The following GFRAL variants were observed in gnomAD, a reference collection of about 807,000 sequenced individuals.
GFRAL encodes the protein GDNF family receptor alpha-like.
A neutral mutation model predicts 45.4 loss-of-function variants in GFRAL; 36 were observed. That is an observed-to-expected ratio of 0.79 (90% CI 0.61 to 1.05). GFRAL has a LOEUF of 1.05. Ranked by LOEUF, GFRAL falls within the 50% of genes least tolerant of loss-of-function variation. The pLI is 0.00. For missense variants in GFRAL, 507 were observed against 467.5 expected (o/e 1.08, Z -0.78); for synonymous variants, 166 against 154.1 (o/e 1.08, Z -0.57).
At chr6:55,340,319 T>G (rs1466797658) in intron 3 of GFRAL, among the ~76,000 whole-genome samples, 2 of 152,186 alleles carry the variant, frequency 1.3e-5, no homozygotes, top group African/African-American at 4.8e-5. Flanking sequence ...TTTTCTATTC[T>G]CAAGAAAATC....
chr6:55,382,285 T>G (rs1349765263), intron 6 of GFRAL, among the ~76,000 whole-genome samples: 1 of 152,000 alleles, frequency 6.6e-6, no homozygotes, highest in Non-Finnish European at 1.5e-5. Context: ...TGTTTTTTAT[T>G]ATTTGCATTG....
chr6:55,374,344 C>T (rs6900899), intron 6 of GFRAL, among the ~76,000 whole-genome samples: 109,110 of 152,002 alleles, frequency 0.72, 39,963 homozygotes, highest in African/African-American at 0.87. Context: ...ACAATGGTCG[C>T]ATGTTAGTTT....
At chr6:55,367,571 A>T (rs958588263) in intron 6 of GFRAL, among the ~76,000 whole-genome samples, 1 of 151,190 alleles carries the variant, frequency 6.6e-6, no homozygotes, top group Non-Finnish European at 1.5e-5. Context: ...ATTTTGCAGC[A>T]GCTGGTACCG....
intron 6 of GFRAL, among the ~76,000 whole-genome samples, chr6:55,378,409 G>A (rs193088398): frequency 6.6e-6 from 1 of 152,108 alleles, no homozygotes; most frequent in Non-Finnish European, 1.5e-5. Flanking sequence ...GGTATCAGTT[G>A]TTGCTGGAAG....
intron 6 of GFRAL, 47 bp from the exon 7 acceptor site, chr6:55,399,133 A>C (rs2127367766): frequency 1.0e-6 from 1 of 970,382 alleles, no homozygotes; most frequent in South Asian, 1.8e-5. Flanking sequence ...TAAAATTAAA[A>C]TAATGTATGA....
chr6:55,328,190 G>A (rs1203919329), intron 1 of GFRAL, among the ~76,000 whole-genome samples: 1 of 151,774 alleles, frequency 6.6e-6, no homozygotes, highest in Non-Finnish European at 1.5e-5. Flanking sequence ...ATAAGATGTT[G>A]ATGAAAAATA....
In GFRAL at chr6:55,384,109, C is replaced by T. The variant is rs535555195; in HGVS notation, c.953-15071C>T. The stretch of plus-strand genomic sequence containing the variant: ...GACACAGGGAGGGGAACATCACACA[C>T]TGGGGCCTGTTGGGGGGTTGGGAGC... On this transcript the variant is annotated intron_variant, in intron 6 of 8. Transcript: ENST00000340465. Among the ~76,000 whole-genome samples, 5 of 152,074 alleles carry T rather than the reference C, an allele frequency of 3.3e-5. No individual in the cohort carries two copies. In the South Asian group the frequency reaches 8.3e-4, roughly 25 times the overall value.
At chr6:55,398,800 C>CT (rs1413372731) in intron 6 of GFRAL, among the ~76,000 whole-genome samples, 14 of 152,240 alleles carry the variant, frequency 9.2e-5, no homozygotes, top group Admixed American at 8.5e-4. Flanking sequence ...ATTCCAGTAT[C>CT]TGAGTGCAGA....
chr6:55,365,268 G>A (rs1322401795), intron 6 of GFRAL, among the ~76,000 whole-genome samples: 1 of 142,350 alleles, frequency 7.0e-6, no homozygotes, highest in Non-Finnish European at 1.5e-5. Flanking sequence ...AAGAATGCTT[G>A]TGATTTTTGT....
intron 6 of GFRAL, among the ~76,000 whole-genome samples, chr6:55,371,154 T>A (rs1768445398): frequency 6.6e-6 from 1 of 152,210 alleles, no homozygotes; most frequent in African/African-American, 2.4e-5. Context: ...CTAAATAAAT[T>A]TTTTCATAAC....
intron 6 of GFRAL, among the ~76,000 whole-genome samples, chr6:55,363,646 T>A (rs1400131707): frequency 7.2e-6 from 1 of 138,458 alleles, no homozygotes; most frequent in African/African-American, 2.7e-5. Flanking sequence ...GTCCATGTGA[T>A]CTCACTGTTC....
intron 6 of GFRAL, among the ~76,000 whole-genome samples, chr6:55,397,673 T>G (rs1768845375): frequency 6.6e-6 from 1 of 152,140 alleles, no homozygotes; most frequent in South Asian, 2.1e-4. Context: ...TTACTACTGG[T>G]CTGAAACTCC....
intron 3 of GFRAL, among the ~76,000 whole-genome samples, chr6:55,340,640 C>T (rs1412873269): frequency 1.3e-5 from 2 of 152,076 alleles, no homozygotes; most frequent in Admixed American, 6.6e-5. Context: ...ACTGAGGTAC[C>T]AGGTTCATCT....
chr6:55,364,814 C>A (rs2127358898), intron 6 of GFRAL, among the ~76,000 whole-genome samples: 1 of 152,022 alleles, frequency 6.6e-6, no homozygotes, highest in Non-Finnish European at 1.5e-5. Context: ...GTTTTGGTAC[C>A]AGTACCATGC....
At chr6:55,369,486 G>A (rs1022259176) in intron 6 of GFRAL, among the ~76,000 whole-genome samples, 3 of 152,088 alleles carry the variant, frequency 2.0e-5, no homozygotes, top group South Asian at 2.1e-4. Context: ...TCTTTTTAAA[G>A]GTCATATCAT....
At chr6:55,387,518 A>G (rs1352766862) in intron 6 of GFRAL, among the ~76,000 whole-genome samples, 3 of 152,182 alleles carry the variant, frequency 2.0e-5, no homozygotes, top group African/African-American at 7.2e-5. Flanking sequence ...ATAAAACACC[A>G]TATGTGGGCA....
chr6:55,330,493 T>C (rs756139628), intron 1 of GFRAL, among the ~76,000 whole-genome samples: 31 of 151,726 alleles, frequency 2.0e-4, no homozygotes, highest in South Asian at 4.1e-4. Flanking sequence ...AAAAGGGGAG[T>C]ATAGAATTCA....
chr6:55,367,530 C>G (rs1424972995), intron 6 of GFRAL, among the ~76,000 whole-genome samples: 1 of 149,566 alleles, frequency 6.7e-6, no homozygotes, highest in African/African-American at 2.5e-5. Flanking sequence ...CAGTTTCTTC[C>G]TAGTCTCGAT....
intron 6 of GFRAL, among the ~76,000 whole-genome samples, chr6:55,395,781 GA>G (rs34724941): frequency 5.4e-4 from 74 of 137,366 alleles, no homozygotes; most frequent in Middle Eastern, 3.8e-3. Context: ...AAGGATTTTG[GA>G]AAAAAAAAAA....
Sources: allele counts gnomAD v4.1 joint callset (sites outside exome capture counted in the v4.1 genomes callset), GRCh38; gene constraint gnomAD v4.1.1; transcripts MANE v1.5; gene names NCBI Gene and HGNC (gene_info 2026-07-23, HGNC 2026-07-21).